The following SEC31A variants were observed in gnomAD, a reference collection of about 807,000 sequenced individuals.
SEC31A encodes the protein protein transport protein Sec31A.
Under a neutral mutation model 151.0 loss-of-function variants are expected in SEC31A, and 70 were observed. The observed-to-expected ratio is 0.46, with a 90% CI of 0.38 to 0.57. SEC31A has a LOEUF of 0.57. Among genes scored for constraint, SEC31A ranks in the 20% least tolerant of loss-of-function variants. The pLI, the probability that SEC31A is intolerant of heterozygous loss-of-function variation, is 0.00. For synonymous variants in SEC31A, 475 were observed against 505.9 expected, an observed-to-expected ratio of 0.94 and a Z score of 0.82; for missense variants, 1,330 against 1,471.2, an observed-to-expected ratio of 0.90 and a Z score of 1.57.
At chr4:82,898,586 G>A (rs1264513316) in intron 3 of SEC31A, among the ~76,000 whole-genome samples, 1 of 152,152 alleles carries the variant, frequency 6.6e-6, no homozygotes, top group Non-Finnish European at 1.5e-5. Flanking sequence ...AATTAAACAG[G>A]AAAGAAAACA....
chr4:82,865,999 A>AT (rs1735283100), intron 10 of SEC31A, among the ~76,000 whole-genome samples: 1 of 151,998 alleles, frequency 6.6e-6, no homozygotes, highest in Admixed American at 6.6e-5. Context: ...ATTTTTTACC[A>AT]TTAAAAAAAG....
At chr4:82,829,885 G>T (rs573972701) in intron 22 of SEC31A, among the ~76,000 whole-genome samples, 2 of 152,240 alleles carry the variant, frequency 1.3e-5, no homozygotes, top group East Asian at 3.9e-4. Context: ...CTGGAAATAA[G>T]AATAATTTCT....
At chr4:82,852,178 T>C (rs1731589902) in intron 18 of SEC31A, among the ~76,000 whole-genome samples, 1 of 152,186 alleles carries the variant, frequency 6.6e-6, no homozygotes, top group South Asian at 2.1e-4. Context: ...AGACGTGCCT[T>C]TGCTCCTCCT....
chr4:82,827,485 C>G lies in SEC31A; in HGVS notation c.3175G>C (p.Gly1059Arg), dbSNP rs1388334329. ...TGTACGCCATGGAAGGGCTGGCCAC[C>G]TGGAAGATGTGGCTGTGGGAATGAA... Reference protein sequence around the residue: ...QSSFPQPHLPGGQPFHGVQQP... With the variant: ...QSSFPQPHLPRGQPFHGVQQP... Residue 1059 changes from glycine (G) to arginine (R), a missense_variant, in exon 24 of 27, where the codon GGT (glycine) becomes CGT (arginine). Transcript: ENST00000395310. The G allele has an allele frequency of 1.2e-6, 2 of 1,614,072 alleles. No individual in the cohort carries two copies. The highest frequency in any genetic ancestry group is 1.7e-5 in the Admixed American group (1 of 60,010).
intron 7 of SEC31A, 112 bp downstream of exon 7, chr4:82,871,832 C>G: frequency 7.3e-7 from 1 of 1,365,674 alleles, no homozygotes; most frequent in South Asian, 1.4e-5. Flanking sequence ...GAGCAAAACT[C>G]CATCTAAAAA....
chr4:82,885,000 T>C (rs1326717625), intron 1 of SEC31A, among the ~76,000 whole-genome samples: 1 of 152,194 alleles, frequency 6.6e-6, no homozygotes, highest in East Asian at 1.9e-4. Context: ...TTAATAGTTA[T>C]TTGGTGCATA....
chr4:82,829,124 G>C, intron 22 of SEC31A, 66 bp from the exon 23 acceptor site: 1 of 1,319,524 alleles, frequency 7.6e-7, no homozygotes, highest in Non-Finnish European at 1.1e-6. Context: ...AAACTGAATC[G>C]ATCACCTAAT....
Position 82,853,645 on chromosome 4 carries a change from A to G in SEC31A, c.2079T>C (p.Ile693=). The change falls in exon 18 of 27, where the codon ATT becomes ATC. Residue 693 remains isoleucine (I), a synonymous_variant. Transcript: ENST00000395310. ...CTAATTTCTCTACATTCCCTGCACA[A>G]ATATAGCAGAGACATGCTTGAGTCT... is the stretch of plus-strand genomic sequence containing the variant. The part of the protein sequence containing the change: ...LLQTQACLCY[I]CAGNVEKLVA... 1.2e-6 allele frequency: 2 copies of G among 1,603,464 alleles called. No individual in the cohort carries two copies. Among genetic ancestry groups the G allele is most frequent in the Non-Finnish European group, 1.7e-6 (2 of 1,177,436 alleles).
upstream of SEC31A, among the ~76,000 whole-genome samples, chr4:82,892,631 C>G (rs1174552122): frequency 6.6e-6 from 1 of 152,240 alleles, no homozygotes; most frequent in Non-Finnish European, 1.5e-5. Context: ...GCACTTTGTG[C>G]TCTGCTATCT....
At position 82,864,474 on chromosome 4, in the gene SEC31A, C is replaced by A. The variant is rs145112854; in HGVS notation, c.1322G>T (p.Arg441Leu). 3.1e-6 allele frequency: 5 copies of A among 1,614,078 alleles called. No individual in the cohort carries two copies. Among genetic ancestry groups the A allele is most frequent in the Non-Finnish European group, 3.4e-6 (4 of 1,180,006 alleles). Residue 441 changes from arginine (R) to leucine (L), a missense_variant, in exon 11 of 27, where the codon CGA (arginine) becomes CTA (leucine). Transcript: ENST00000395310. ...CACAGCCTGCTGAAGTTGGTCTGATCGGCTGAGGAACTCCTTTTCTGTTAC... is the reference window on the plus strand; with the variant it reads ...CACAGCCTGCTGAAGTTGGTCTGATAGGCTGAGGAACTCCTTTTCTGTTAC... ...QVVTEKEFLS[R>L]SDQLQQAVQS...
intron 22 of SEC31A, among the ~76,000 whole-genome samples, chr4:82,833,257 G>C (rs916801718): frequency 3.3e-5 from 5 of 152,112 alleles, no homozygotes; most frequent in African/African-American, 1.2e-4. Flanking sequence ...ACTTTGCAGG[G>C]ACATGGATGA....
Position 82,852,350 on chromosome 4 carries a change from A to G in SEC31A, c.2155-746T>C, listed in dbSNP as rs199982284. ...CCATCTATCCTATAAAAATAGTACT[A>G]CTATGAGGTGACCCATAGACAGAGG... On this transcript the variant is annotated intron_variant, in intron 18 of 26. Transcript: ENST00000395310. 3.9e-5 allele frequency among the ~76,000 whole-genome samples: 6 copies of G among 152,176 alleles called. No individual in the cohort carries two copies. The East Asian group carries it at 1.2e-3, about 29-fold the overall frequency.
chr4:82,884,209 G>A (rs540036230), intron 1 of SEC31A, among the ~76,000 whole-genome samples: 81 of 151,814 alleles, frequency 5.3e-4, no homozygotes, highest in African/African-American at 1.8e-3. Flanking sequence ...GGCTGGCCTC[G>A]AACTCCTGAC....
intron 24 of SEC31A, among the ~76,000 whole-genome samples, chr4:82,826,414 C>T (rs1724579849): frequency 1.3e-5 from 2 of 152,134 alleles, no homozygotes; most frequent in African/African-American, 2.4e-5. Context: ...AGTGCAGTGG[C>T]GCAATCTCAG....
At chr4:82,893,987 CT>C (rs1050005983), upstream of SEC31A, 1 of 151,992 alleles carries the variant, frequency 6.6e-6, no homozygotes, top group African/African-American at 2.4e-5. Context: ...GGGTGGATGC[CT>C]AGTGATTTCC....
intron 20 of SEC31A, among the ~76,000 whole-genome samples, chr4:82,845,820 A>G (rs1478587456): frequency 1.3e-5 from 2 of 152,132 alleles, no homozygotes. Flanking sequence ...AGAGTATTAA[A>G]GCTGAATATT....
At chr4:82,822,973 C>CAA (rs201542675) in intron 25 of SEC31A, among the ~76,000 whole-genome samples, 2 of 145,452 alleles carry the variant, frequency 1.4e-5, no homozygotes, top group African/African-American at 2.5e-5. Flanking sequence ...AACTCCGTCT[C>CAA]AAAAAAAAAG....
At position 82,857,698 on chromosome 4, in the gene SEC31A, CAG is replaced by C; in HGVS notation, c.1691_1692del (p.Ser564CysfsTer6). ...LPSSGGTFNISVSGDIDGLIT... is the reference protein window; with the variant it reads ...LPSSGGTFNIXVSGDIDGLIT... ...ACCAACAAGTACTTACCCCCACTGA[CAG>C]AGATATTAAATGTTCCTCCAGATGA... On this transcript the variant is annotated frameshift_variant, in exon 15 of 27. Coordinates refer to ENST00000395310, the MANE Select transcript of SEC31A (RefSeq NM_001077207.4). LOFTEE classifies it high-confidence loss of function. 1 of 1,585,740 alleles carries C rather than the reference CAG, an allele frequency of 6.3e-7. No individual in the cohort carries two copies. The highest frequency in any genetic ancestry group is 8.7e-7 in the Non-Finnish European group (1 of 1,155,062).
intron 11 of SEC31A, among the ~76,000 whole-genome samples, 161 bp from the exon 12 acceptor site, chr4:82,863,553 GT>G (rs1734643222): frequency 6.6e-6 from 1 of 151,912 alleles, no homozygotes; most frequent in Non-Finnish European, 1.5e-5. Context: ...GGGTTTTTTT[GT>G]TTTTTATTTG....
Sources: allele counts gnomAD v4.1 joint callset (sites outside exome capture counted in the v4.1 genomes callset), GRCh38; gene constraint gnomAD v4.1.1; transcripts MANE v1.5; gene names NCBI Gene and HGNC (gene_info 2026-07-23, HGNC 2026-07-21).